UBASH3A: variants seen among roughly 807,000 people sequenced by gnomAD.
The protein encoded by UBASH3A is ubiquitin-associated and SH3 domain-containing protein A.
A neutral mutation model predicts 73.5 loss-of-function variants in UBASH3A; 63 were observed. That is an observed-to-expected ratio of 0.86 (90% CI 0.70 to 1.06). The LOEUF (loss-of-function observed/expected upper bound fraction) is 1.06, where lower values mean the gene tolerates loss of function less well. UBASH3A is among the 50% of genes least tolerant of loss of function. The pLI, the probability that UBASH3A is intolerant of heterozygous loss-of-function variation, is 0.00. For missense variants in UBASH3A, 860 were observed against 859.0 expected (o/e 1.00, Z -0.02); for synonymous variants, 363 against 351.1 (o/e 1.03, Z -0.38).
At chr21:42,404,858 C>T (rs2146479549) in intron 1 of UBASH3A, among the ~76,000 whole-genome samples, 1 of 152,300 alleles carries the variant, frequency 6.6e-6, no homozygotes, top group South Asian at 2.1e-4. Context: ...TGTGGAAGAG[C>T]TTAGCCTTCA....
intron 1 of UBASH3A, among the ~76,000 whole-genome samples, chr21:42,405,992 G>GC (rs1312859831): frequency 7.3e-6 from 1 of 137,226 alleles, no homozygotes; most frequent in East Asian, 2.1e-4. Flanking sequence ...GTGGGGGGGG[G>GC]GGGGGCAGGC....
In UBASH3A at chr21:42,432,008, G is replaced by A. The variant is rs544765840; in HGVS notation, c.1171-95G>A. 47 of 694,120 alleles carry A rather than the reference G, an allele frequency of 6.8e-5. No individual in the cohort carries two copies. The South Asian group carries it at 7.3e-4, about 11-fold the overall frequency. The allele number at this position is 694,120 out of a possible 1,614,324, so 43.0% of individuals were successfully genotyped here. On this transcript the variant is annotated intron_variant, in intron 8 of 14. Coordinates refer to ENST00000319294, the MANE Select transcript of UBASH3A (RefSeq NM_018961.4). ...GACTAACGAAGGAAAAGATTCCCTC[G>A]CAGTTGCTGGGTGACTGGGAGAGCT...
chr21:42,426,833 TC>T lies in UBASH3A; in HGVS notation c.1170+16del. ...ACAGGCCTTGCAGGTAATAGAACATTCCCTTTTTTCTTTTAAGTAAACTAAG... is the reference window on the plus strand; with the variant it reads ...ACAGGCCTTGCAGGTAATAGAACATTCCTTTTTTCTTTTAAGTAAACTAAG... On this transcript the variant is annotated intron_variant, in intron 8 of 14. Transcript: ENST00000319294. The T allele has an allele frequency of 6.2e-7, 1 of 1,611,550 alleles. No homozygotes were observed. Among genetic ancestry groups the T allele is most frequent in the Non-Finnish European group, 8.5e-7 (1 of 1,179,030 alleles).
Position 42,421,317 on chromosome 21 carries a change from A to G in UBASH3A, c.1046+2708A>G, listed in dbSNP as rs779712401. Reference sequence around the variant, plus strand: ...GGGCAGAAATACACAGAAAAACCCTATGTTGTGGTTCTGGGCTTCCTGGCA... The same window carrying G: ...GGGCAGAAATACACAGAAAAACCCTGTGTTGTGGTTCTGGGCTTCCTGGCA... On this transcript the variant is annotated intron_variant, in intron 7 of 14. Transcript: ENST00000319294. Among the ~76,000 whole-genome samples, 6 of 152,180 alleles carry G rather than the reference A, an allele frequency of 3.9e-5. No individual in the cohort carries two copies. The South Asian group carries it at 1.0e-3, about 26-fold the overall frequency.
intron 14 of UBASH3A, among the ~76,000 whole-genome samples, chr21:42,446,771 G>A (rs11702631): frequency 3.9e-5 from 6 of 152,210 alleles, no homozygotes; most frequent in Non-Finnish European, 8.8e-5. Flanking sequence ...ATTGTAGGAT[G>A]TACCACCTTG....
intron 7 of UBASH3A, among the ~76,000 whole-genome samples, chr21:42,425,848 A>C (rs1423614559): frequency 6.6e-6 from 1 of 152,106 alleles, no homozygotes; most frequent in Non-Finnish European, 1.5e-5. Context: ...GATAAATAGA[A>C]ACATGCCCTG....
intron 11 of UBASH3A, among the ~76,000 whole-genome samples, chr21:42,441,023 T>C (rs1176311904): frequency 1.3e-5 from 2 of 152,186 alleles, no homozygotes; most frequent in Non-Finnish European, 2.9e-5. Context: ...TCAAAATCTT[T>C]AATGTGATCT....
Position 42,406,433 on chromosome 21 carries a change from C to G in UBASH3A, c.167+72C>G, listed in dbSNP as rs2052978105. The G allele has an allele frequency of 1.1e-5, 14 of 1,325,256 alleles. 1 individual carries two copies. In the South Asian group the frequency reaches 1.3e-4, roughly 12 times the overall value. The allele number at this position is 1,325,256 out of a possible 1,614,324, so 82.1% of individuals were successfully genotyped here. ...CCCTGTGCCTAAGGACTCCCTCCCA[C>G]CAGGGCTGATACCAGGAAGAGCCGG... On this transcript the variant is annotated intron_variant, in intron 2 of 14. Transcript: ENST00000319294.
intron 9 of UBASH3A, among the ~76,000 whole-genome samples, chr21:42,432,809 T>C (rs998385594): frequency 6.6e-6 from 1 of 152,120 alleles, no homozygotes; most frequent in African/African-American, 2.4e-5. Flanking sequence ...CCAGAAAAGA[T>C]TCTGAGCAGA....
At chr21:42,446,848 C>T (rs997813459) in intron 14 of UBASH3A, among the ~76,000 whole-genome samples, 2 of 152,174 alleles carry the variant, frequency 1.3e-5, no homozygotes, top group Admixed American at 6.5e-5. Flanking sequence ...GAAATGTCTC[C>T]GGAATTACCC....
intron 7 of UBASH3A, among the ~76,000 whole-genome samples, chr21:42,425,495 T>C (rs992462657): frequency 6.6e-6 from 1 of 152,228 alleles, no homozygotes; most frequent in Non-Finnish European, 1.5e-5. Flanking sequence ...GCTCTGAGCA[T>C]GTTAATTTGA....
chr21:42,443,364 A>C lies in UBASH3A; in HGVS notation c.1684A>C (p.Met562Leu), dbSNP rs369315735. 1 of 1,613,446 alleles carries C rather than the reference A, an allele frequency of 6.2e-7. No homozygotes were observed. The highest frequency in any genetic ancestry group is 8.5e-7 in the Non-Finnish European group (1 of 1,179,668). Residue 562 changes from methionine to leucine, a missense_variant, in exon 13 of 15, where the codon ATG becomes CTG. Met to Leu is a conservative substitution (Grantham distance 15). Transcript: ENST00000319294. ...LMPAESYQEY[M>L]DRCTASMVQI... ...GCCGGCCGAGAGCTACCAGGAGTAC[A>C]TGGACAGGTGCACGGCGAGCATGGT...
intron 3 of UBASH3A, chr21:42,410,290 G>C: frequency 1.6e-6 from 1 of 632,336 alleles, no homozygotes; most frequent in Non-Finnish European, 2.8e-6. Context: ...ACTCAGCTCC[G>C]CCAGAGGGGC....
At position 42,444,646 on chromosome 21, in the gene UBASH3A, A is replaced by G. The variant is rs1285439039; in HGVS notation, c.1848+3A>G. 1 of 1,609,046 alleles carries G rather than the reference A, an allele frequency of 6.2e-7. No homozygotes were observed. Among genetic ancestry groups the G allele is most frequent in the Non-Finnish European group, 8.5e-7 (1 of 1,175,458 alleles). On this transcript the variant is annotated splice_donor_region_variant and intron_variant, in intron 14 of 14. Transcript: ENST00000319294. ...ATTTTGCCCAACTCGTGAGAAAGGT[A>G]CGCGCCCACTCTTGGCTCTTTGGGC... is the stretch of plus-strand genomic sequence containing the variant.
chr21:42,422,185 GCCATTTAACTTCTTAC>G (rs1048713939), intron 7 of UBASH3A, among the ~76,000 whole-genome samples: 2 of 152,138 alleles, frequency 1.3e-5, no homozygotes, highest in African/African-American at 2.4e-5. Context: ...TTCTCTTGAG[GCCATTTAACTTCTTAC>G]CCTAATGAAT....
chr21:42,416,425 T>C lies in UBASH3A; in HGVS notation c.668-17T>C. On this transcript the variant is annotated splice_polypyrimidine_tract_variant and intron_variant, in intron 5 of 14. Coordinates refer to ENST00000319294, the MANE Select transcript of UBASH3A (RefSeq NM_018961.4). Reference sequence around the variant, plus strand: ...TAACGGTGTCCTGGCACCCTCTGTGTTTCCCTGATTTCACAGACTGCTCCG... The same window carrying C: ...TAACGGTGTCCTGGCACCCTCTGTGCTTCCCTGATTTCACAGACTGCTCCG... 1 of 1,546,966 alleles carries C rather than the reference T, an allele frequency of 6.5e-7. No individual in the cohort carries two copies. The highest frequency in any genetic ancestry group is 8.7e-7 in the Non-Finnish European group (1 of 1,147,642).
At chr21:42,439,811 A>G (rs2053701293) in intron 11 of UBASH3A, among the ~76,000 whole-genome samples, 1 of 138,404 alleles carries the variant, frequency 7.2e-6, no homozygotes, top group Non-Finnish European at 1.6e-5. Context: ...CACACCACAC[A>G]CACCACCTAC....
rs61735846 is a variant in UBASH3A at position 42,443,345 on chromosome 21, C to T, written c.1665C>T (p.Ala555=). Residue 555 remains alanine, a synonymous_variant, in exon 13 of 15, where the codon GCC becomes GCT. Coordinates refer to ENST00000319294, the MANE Select transcript of UBASH3A (RefSeq NM_018961.4). ...TTCCCCTGTCCGCCCTCATGCCGGC[C>T]GAGAGCTACCAGGAGTACATGGACA... The part of the protein sequence containing the change: ...PAFPLSALMP[A]ESYQEYMDRC... 9.7e-4 allele frequency: 1,572 copies of T among 1,613,204 alleles called. 13 individuals carry two copies. In the African/African-American group the frequency reaches 0.016, roughly 16 times the overall value.
At chr21:42,439,345 TG>T (rs2053687636) in intron 11 of UBASH3A, among the ~76,000 whole-genome samples, 1 of 152,104 alleles carries the variant, frequency 6.6e-6, no homozygotes, top group Admixed American at 6.5e-5. Context: ...CACCCAACTG[TG>T]GCACAGGACC....
Sources: allele counts gnomAD v4.1 joint callset (sites outside exome capture counted in the v4.1 genomes callset), GRCh38; gene constraint gnomAD v4.1.1; transcripts MANE v1.5; gene names NCBI Gene and HGNC (gene_info 2026-07-23, HGNC 2026-07-21).